The following WDFY2 variants were observed in gnomAD, a reference collection of about 807,000 sequenced individuals.
WDFY2 encodes WD repeat and FYVE domain-containing protein 2.
In WDFY2, 36 loss-of-function variants were observed where a neutral mutation model predicts 56.4. The observed-to-expected ratio is 0.64, with a 90% CI of 0.49 to 0.84. The LOEUF (loss-of-function observed/expected upper bound fraction) is 0.84. Ranked by LOEUF, WDFY2 falls within the 40% of genes least tolerant of loss-of-function variation. The pLI is 0.00. For synonymous variants in WDFY2, 176 were observed against 183.7 expected (o/e 0.96, Z 0.34); for missense variants, 444 against 512.2 (o/e 0.87, Z 1.29).
At chr13:51,640,262 C>A (rs1394432775) in intron 1 of WDFY2, among the ~76,000 whole-genome samples, 3 of 152,156 alleles carry the variant, frequency 2.0e-5, no homozygotes, top group Admixed American at 2.0e-4. Flanking sequence ...ATAATTTATA[C>A]AATTGTTGAT....
chr13:51,629,826 CTT>C (rs11432630), intron 1 of WDFY2, among the ~76,000 whole-genome samples: 5 of 125,134 alleles, frequency 4.0e-5, no homozygotes, highest in East Asian at 2.3e-4. Flanking sequence ...TCTTTCTTTT[CTT>C]TTTTTTTTTT....
intron 4 of WDFY2, among the ~76,000 whole-genome samples, chr13:51,705,647 T>C (rs1952067602): frequency 6.6e-6 from 1 of 152,068 alleles, no homozygotes; most frequent in Admixed American, 6.6e-5. Flanking sequence ...GACATTTTGA[T>C]AGAGGCATGA....
intron 1 of WDFY2, among the ~76,000 whole-genome samples, chr13:51,643,405 C>T (rs1455214058): frequency 1.3e-5 from 2 of 152,206 alleles, no homozygotes; most frequent in East Asian, 3.8e-4. Context: ...TTTCACATGC[C>T]TGCCACTGTA....
intron 1 of WDFY2, among the ~76,000 whole-genome samples, chr13:51,610,446 A>G (rs1954478772): frequency 6.6e-6 from 1 of 152,188 alleles, no homozygotes; most frequent in South Asian, 2.1e-4. Context: ...GTATGAAATT[A>G]CTGGAGAAAA....
intron 3 of WDFY2, among the ~76,000 whole-genome samples, chr13:51,693,951 C>T (rs1485976033): frequency 6.6e-6 from 1 of 151,430 alleles, no homozygotes; most frequent in African/African-American, 2.4e-5. Flanking sequence ...CCTTCTTTGT[C>T]TCTTTTGATC....
chr13:51,690,619 A>G (rs1482980542), intron 3 of WDFY2, among the ~76,000 whole-genome samples: 6 of 151,468 alleles, frequency 4.0e-5, no homozygotes, highest in Admixed American at 3.9e-4. Context: ...GGTTGGTTCC[A>G]AGTCTTTGCT....
chr13:51,763,080 A>G lies in WDFY2; in HGVS notation c.*3311A>G, dbSNP rs1284510122. 6.6e-6 allele frequency: 1 copy of G among 151,796 alleles called. No individual in the cohort carries two copies. The highest frequency in any genetic ancestry group is 1.5e-5 in the Non-Finnish European group (1 of 68,034). The allele number at this position is 151,796 out of a possible 1,614,324, so 9.4% of individuals were successfully genotyped here. A position where few individuals can be genotyped will look rare whatever the true frequency, so the allele number is the denominator to read the frequency against. On this transcript the variant is annotated 3_prime_UTR_variant, in exon 12 of 12. Transcript: ENST00000298125. ...AACTGGAAGGGATCTTCAGAGATCT[A>G]GAGTGTTTCAAGCAGAAAACACATT... is the stretch of plus-strand genomic sequence containing the variant.
intron 7 of WDFY2, among the ~76,000 whole-genome samples, chr13:51,748,498 G>A (rs1421467437): frequency 6.6e-6 from 1 of 152,170 alleles, no homozygotes; most frequent in Non-Finnish European, 1.5e-5. Flanking sequence ...GAGCACAGGT[G>A]TTTAAGAAGC....
intron 1 of WDFY2, among the ~76,000 whole-genome samples, chr13:51,604,209 C>G (rs772074906): frequency 5.9e-5 from 9 of 152,096 alleles, no homozygotes; most frequent in Non-Finnish European, 1.3e-4. Context: ...GAAAATAATA[C>G]ATGCCAATTT....
intron 1 of WDFY2, chr13:51,587,767 A>C (rs1235056822): frequency 6.6e-6 from 1 of 152,252 alleles, no homozygotes; most frequent in African/African-American, 2.4e-5. Flanking sequence ...TTAGTATTGG[A>C]AAGAGAATTT....
rs542464931 is a variant in WDFY2 at position 51,767,362 on chromosome 13, A to C, written c.*7593A>C. The stretch of plus-strand genomic sequence containing the variant: ...TTTGTCAGAAAGACGCTGATGTTTC[A>C]GGCTGGCACACCCAGAAAAATCCCT... On this transcript the variant is annotated 3_prime_UTR_variant, in exon 12 of 12. Transcript: ENST00000298125. The C allele has an allele frequency of 3.0e-4, 45 of 152,350 alleles. No individual in the cohort carries two copies. Among genetic ancestry groups the C allele is most frequent in the Admixed American group, 2.7e-3 (41 of 15,312 alleles). The allele number at this position is 152,350 out of a possible 1,614,324, so 9.4% of individuals were successfully genotyped here.
chr13:51,624,283 T>A (rs938569176), intron 1 of WDFY2, among the ~76,000 whole-genome samples: 1 of 152,240 alleles, frequency 6.6e-6, no homozygotes, highest in Non-Finnish European at 1.5e-5. Context: ...ATAATCAGTT[T>A]ATTTAACTGC....
rs529453318 is a variant in WDFY2, at chr13:51,726,129, G to A, written c.486-1549G>A. 1.3e-3 allele frequency among the ~76,000 whole-genome samples: 200 copies of A among 152,256 alleles called. 1 individual carries two copies. The highest frequency in any genetic ancestry group is 1.5e-3 in the Non-Finnish European group (104 of 68,024). ...AGTGCTTCCCTTTCTAAATATGAGT[G>A]CATACATGCACATGCACACACATAC... On this transcript the variant is annotated intron_variant, in intron 5 of 11. Coordinates refer to ENST00000298125, the MANE Select transcript of WDFY2 (RefSeq NM_052950.4).
At chr13:51,756,502 G>T in intron 10 of WDFY2, 40 bp downstream of exon 10, 4 of 1,593,604 alleles carry the variant, frequency 2.5e-6, no homozygotes, top group South Asian at 2.3e-5. Context: ...AGGTTAAGGC[G>T]AGAATTTAAT....
intron 1 of WDFY2, among the ~76,000 whole-genome samples, chr13:51,653,087 G>A (rs560006841): frequency 2.4e-4 from 37 of 152,202 alleles, no homozygotes; most frequent in African/African-American, 8.2e-4. Flanking sequence ...CATATTTCTT[G>A]GAGGCTTTGT....
At position 51,735,802 on chromosome 13, in the gene WDFY2, CAGAGTTAT is replaced by C. The variant is rs543651057; in HGVS notation, c.599-3246_599-3239del. Among the ~76,000 whole-genome samples, 7 of 152,242 alleles carry C rather than the reference CAGAGTTAT, an allele frequency of 4.6e-5. No individual in the cohort carries two copies. The East Asian group carries it at 1.4e-3, about 29-fold the overall frequency. Reference sequence around the variant, plus strand: ...TTTATATAGAGCAGGCATGGGACCCCAGAGTTATTTACTCCCTACACCATCCTAAACTT... The same window carrying C: ...TTTATATAGAGCAGGCATGGGACCCCTTACTCCCTACACCATCCTAAACTT... On this transcript the variant is annotated intron_variant, in intron 6 of 11. Transcript: ENST00000298125.
At chr13:51,622,946 C>T (rs1431428335) in intron 1 of WDFY2, among the ~76,000 whole-genome samples, 2 of 150,666 alleles carry the variant, frequency 1.3e-5, no homozygotes, top group East Asian at 2.0e-4. Flanking sequence ...CAGCCTCCAC[C>T]TCCCGGGTTC....
intron 1 of WDFY2, among the ~76,000 whole-genome samples, chr13:51,632,513 C>T (rs1313829024): frequency 6.6e-6 from 1 of 152,070 alleles, no homozygotes; most frequent in Non-Finnish European, 1.5e-5. Context: ...TGGGAGATTT[C>T]GTGGAGCAGG....
chr13:51,764,995 C>G lies in WDFY2; in HGVS notation c.*5226C>G, dbSNP rs1021431900. 6.6e-6 allele frequency: 1 copy of G among 152,264 alleles called. No homozygotes were observed. Among genetic ancestry groups the G allele is most frequent in the African/African-American group, 2.4e-5 (1 of 41,440 alleles). The allele number at this position is 152,264 out of a possible 1,614,324, so 9.4% of individuals were successfully genotyped here. On this transcript the variant is annotated 3_prime_UTR_variant, in exon 12 of 12. Transcript: ENST00000298125. ...TGCAGACACAGGCAGCTGCTGCCCT[C>G]CACTTCCTGCTCTTGCAAGTCACAG...
Sources: allele counts gnomAD v4.1 joint callset (sites outside exome capture counted in the v4.1 genomes callset), GRCh38; gene constraint gnomAD v4.1.1; transcripts MANE v1.5; gene names NCBI Gene and HGNC (gene_info 2026-07-23, HGNC 2026-07-21).